WHRN: variants seen among roughly 807,000 people sequenced by gnomAD.
WHRN encodes CASK-interacting protein CIP98.
In WHRN, 41 loss-of-function variants were observed where a neutral mutation model predicts 68.3. The observed-to-expected ratio is 0.60, with a 90% CI of 0.47 to 0.78. The LOEUF (loss-of-function observed/expected upper bound fraction) is 0.78, where lower values mean the gene tolerates loss of function less well. Among genes scored for constraint, WHRN ranks in the 30% least tolerant of loss-of-function variants. WHRN has a pLI of 0.00. For synonymous variants in WHRN, 560 were observed against 561.3 expected (o/e 1.00, Z 0.03); for missense variants, 1,243 against 1,244.7 (o/e 1.00, Z 0.02).
intron 1 of WHRN, among the ~76,000 whole-genome samples, chr9:114,487,242 T>C (rs1348451047): frequency 6.6e-6 from 1 of 150,534 alleles, no homozygotes; most frequent in Admixed American, 6.6e-5. Context: ...GAGAACTCAG[T>C]ACCCAGAACC....
At chr9:114,471,690 G>A (rs538247915) in intron 2 of WHRN, among the ~76,000 whole-genome samples, 2 of 152,342 alleles carry the variant, frequency 1.3e-5, no homozygotes, top group African/African-American at 4.8e-5. Context: ...AGCTCCAGGA[G>A]ATGACACCAG....
At chr9:114,438,442 T>C (rs2132550529) in intron 3 of WHRN, among the ~76,000 whole-genome samples, 1 of 151,120 alleles carries the variant, frequency 6.6e-6, no homozygotes, top group Non-Finnish European at 1.5e-5. Context: ...GGAATCCCAC[T>C]TTCTTTTTTT....
intron 2 of WHRN, among the ~76,000 whole-genome samples, chr9:114,471,214 G>A (rs994441206): frequency 6.6e-6 from 1 of 151,994 alleles, no homozygotes; most frequent in African/African-American, 2.4e-5. Context: ...AATATTAATA[G>A]AATAATAACT....
chr9:114,428,334 A>C (rs1333109761), intron 3 of WHRN, among the ~76,000 whole-genome samples: 1 of 152,222 alleles, frequency 6.6e-6, no homozygotes, highest in Non-Finnish European at 1.5e-5. Flanking sequence ...TGTATTAAAA[A>C]ATAAAATCAG....
intron 3 of WHRN, among the ~76,000 whole-genome samples, chr9:114,458,970 C>T (rs1840027273): frequency 6.6e-6 from 1 of 152,188 alleles, no homozygotes; most frequent in African/African-American, 2.4e-5. Flanking sequence ...GATGAGTAAA[C>T]TGAAGCTCAG....
intron 3 of WHRN, among the ~76,000 whole-genome samples, chr9:114,452,293 C>T (rs748024940): frequency 2.6e-5 from 4 of 152,146 alleles, no homozygotes; most frequent in East Asian, 3.9e-4. Flanking sequence ...GCAGAAACAT[C>T]GGGCAGGTGT....
At chr9:114,497,268 A>G (rs4979413) in intron 1 of WHRN, among the ~76,000 whole-genome samples, 62,304 of 151,994 alleles carry the variant, frequency 0.41, 15,328 homozygotes, top group East Asian at 0.58. Flanking sequence ...AGGTGGAGAG[A>G]AAAAAAATCA....
intron 3 of WHRN, among the ~76,000 whole-genome samples, chr9:114,452,210 C>T (rs1288429626): frequency 1.3e-5 from 2 of 152,214 alleles, no homozygotes; most frequent in African/African-American, 4.8e-5. Flanking sequence ...GCCATTTTCA[C>T]CATGCTTTTA....
chr9:114,412,419 C>A (rs1835512487), intron 7 of WHRN, among the ~76,000 whole-genome samples: 1 of 152,194 alleles, frequency 6.6e-6, no homozygotes, highest in African/African-American at 2.4e-5. Flanking sequence ...TCAGTGAGGG[C>A]ATAGACCTGG....
chr9:114,440,504 G>C (rs1004315745), intron 3 of WHRN, among the ~76,000 whole-genome samples: 13 of 152,154 alleles, frequency 8.5e-5, no homozygotes, highest in Non-Finnish European at 1.5e-4. Context: ...CTCCCAAAAA[G>C]TGCTGAGATT....
chr9:114,472,129 C>T (rs1251717582), intron 2 of WHRN, among the ~76,000 whole-genome samples: 1 of 152,236 alleles, frequency 6.6e-6, no homozygotes, highest in East Asian at 1.9e-4. Context: ...CCATCCAGGG[C>T]TGTTGTGAGG....
intron 2 of WHRN, among the ~76,000 whole-genome samples, chr9:114,476,292 G>T (rs1454897819): frequency 6.6e-6 from 1 of 151,970 alleles, no homozygotes; most frequent in East Asian, 1.9e-4. Context: ...GAGTTATTGA[G>T]ACTCCCAGAG....
In WHRN at chr9:114,418,707, A is replaced by G. The variant is rs542440130; in HGVS notation, c.1626+4607T>C. Among the ~76,000 whole-genome samples, 30 of 152,278 alleles carry G rather than the reference A, an allele frequency of 2.0e-4. No individual in the cohort carries two copies. In the South Asian group the frequency reaches 6.0e-3, roughly 31 times the overall value. On this transcript the variant is annotated intron_variant, in intron 7 of 11. Coordinates refer to ENST00000362057, the MANE Select transcript of WHRN (RefSeq NM_015404.4). ...TTGCACATGCAGCTGCTTCTGTTGG[A>G]AATGCTCTTCTCCCAGATGTTGGCA...
chr9:114,494,272 T>A (rs1030492157), intron 1 of WHRN, among the ~76,000 whole-genome samples: 5 of 152,208 alleles, frequency 3.3e-5, no homozygotes, highest in African/African-American at 9.6e-5. Flanking sequence ...GAGCAGCATC[T>A]GGTAGGAAAA....
At chr9:114,456,406 GA>G (rs35698366) in intron 3 of WHRN, among the ~76,000 whole-genome samples, 112,064 of 151,288 alleles carry the variant, frequency 0.74, 41,558 homozygotes, top group East Asian at 0.96. Flanking sequence ...CAAGGGGATA[GA>G]AGAAGAAAGG....
chr9:114,437,669 G>A (rs4979390), intron 3 of WHRN, among the ~76,000 whole-genome samples: 148,360 of 152,330 alleles, frequency 0.97, 72,325 homozygotes, highest in Non-Finnish European at 1. Flanking sequence ...TGACAACACG[G>A]TAAGAAGGCA....
At chr9:114,472,615 T>TC (rs1038597750) in intron 2 of WHRN, among the ~76,000 whole-genome samples, 8 of 151,968 alleles carry the variant, frequency 5.3e-5, no homozygotes, top group Non-Finnish European at 1.2e-4. Context: ...CCCGTTACGG[T>TC]CCCCCCACAA....
intron 3 of WHRN, among the ~76,000 whole-genome samples, chr9:114,457,289 G>T (rs963974304): frequency 6.6e-6 from 1 of 152,044 alleles, no homozygotes; most frequent in Non-Finnish European, 1.5e-5. Context: ...GGTGAACCTG[G>T]GATTTCTTGT....
At chr9:114,433,378 T>C (rs990475575) in intron 3 of WHRN, among the ~76,000 whole-genome samples, 4 of 152,166 alleles carry the variant, frequency 2.6e-5, no homozygotes, top group Non-Finnish European at 5.9e-5. Flanking sequence ...CGTGCACCTG[T>C]ACCAGCCACG....
Sources: allele counts gnomAD v4.1 joint callset (sites outside exome capture counted in the v4.1 genomes callset), GRCh38; gene constraint gnomAD v4.1.1; transcripts MANE v1.5; gene names NCBI Gene and HGNC (gene_info 2026-07-23, HGNC 2026-07-21).